CRYZL1: variants seen among roughly 807,000 people sequenced by gnomAD.
The protein encoded by CRYZL1 is crystallin zeta like 1, also known as ferry endosomal RAB5 effector complex subunit 4.
CRYZL1 carries 34 observed loss-of-function variants against 50.6 expected under a neutral mutation model. That is an observed-to-expected ratio of 0.67 (90% CI 0.51 to 0.89). CRYZL1 has a LOEUF of 0.89. Ranked by LOEUF, CRYZL1 falls within the 40% of genes least tolerant of loss-of-function variation. CRYZL1 has a pLI of 0.00. For synonymous variants in CRYZL1, 125 were observed against 134.3 expected (o/e 0.93, Z 0.48); for missense variants, 354 against 402.3 (o/e 0.88, Z 1.03).
intron 6 of CRYZL1, among the ~76,000 whole-genome samples, chr21:33,610,892 C>T (rs8126771): frequency 0.012 from 1,549 of 129,962 alleles, 29 homozygotes; most frequent in African/African-American, 0.043. Flanking sequence ...CGACCATGCC[C>T]GGCTAGTTTT....
At chr21:33,614,102 G>A (rs1052115519) in intron 5 of CRYZL1, among the ~76,000 whole-genome samples, 8 of 151,374 alleles carry the variant, frequency 5.3e-5, no homozygotes, top group African/African-American at 1.9e-4. Context: ...AACCTGGGAG[G>A]TGGAGGTTGT....
intron 12 of CRYZL1, 53 bp downstream of exon 12, chr21:33,591,109 T>C: frequency 7.3e-7 from 1 of 1,364,084 alleles, no homozygotes; most frequent in Non-Finnish European, 1.0e-6. Flanking sequence ...CTGCCTTAGC[T>C]CCCTGAAAAT....
intron 1 of CRYZL1, among the ~76,000 whole-genome samples, 165 bp downstream of exon 1, chr21:33,641,516 C>G (rs2087338098): frequency 1.3e-5 from 2 of 152,226 alleles, no homozygotes. Context: ...TTACCCACCC[C>G]TCAGCGGCCT....
At chr21:33,623,811 G>C (rs571403711) in intron 3 of CRYZL1, among the ~76,000 whole-genome samples, 18 of 152,190 alleles carry the variant, frequency 1.2e-4, no homozygotes, top group Admixed American at 7.9e-4. Flanking sequence ...AATTTATCAT[G>C]GCACATTTAA....
At chr21:33,626,363 T>C (rs1159892838) in intron 2 of CRYZL1, among the ~76,000 whole-genome samples, 1 of 152,196 alleles carries the variant, frequency 6.6e-6, no homozygotes, top group African/African-American at 2.4e-5. Flanking sequence ...ACCAACGTAA[T>C]TGAACCTAAT....
At position 33,595,845 on chromosome 21, in the gene CRYZL1, G is replaced by C; in HGVS notation, c.799-9C>G. 3 of 1,571,222 alleles carry C rather than the reference G, an allele frequency of 1.9e-6. No homozygotes were observed. The highest frequency in any genetic ancestry group is 2.6e-6 in the Non-Finnish European group (3 of 1,141,164). ...CTATCTGGAGGATCCAACTTGGATA[G>C]AATGAAACAAAGACTAATCAATTAT... On this transcript the variant is annotated splice_polypyrimidine_tract_variant and intron_variant, in intron 10 of 12. Transcript: ENST00000381554.
At chr21:33,632,863 A>G (rs1409587455) in intron 1 of CRYZL1, among the ~76,000 whole-genome samples, 1 of 152,226 alleles carries the variant, frequency 6.6e-6, no homozygotes, top group Non-Finnish European at 1.5e-5. Context: ...TCATGGCAGG[A>G]GACACATCAT....
At chr21:33,634,880 A>AAT (rs10599845) in intron 1 of CRYZL1, among the ~76,000 whole-genome samples, 2,847 of 144,362 alleles carry the variant, frequency 0.02, 34 homozygotes, top group Middle Eastern at 0.026. Context: ...CAACAACAAC[A>AAT]ATATATATAT....
chr21:33,593,207 T>C (rs1025069554), intron 11 of CRYZL1, among the ~76,000 whole-genome samples: 5 of 151,894 alleles, frequency 3.3e-5, no homozygotes, highest in African/African-American at 7.3e-5. Flanking sequence ...CCTGGGTTCA[T>C]GCCATTCTCC....
At chr21:33,616,480 C>T (rs578154206) in intron 5 of CRYZL1, 6 of 554,554 alleles carry the variant, frequency 1.1e-5, no homozygotes, top group African/African-American at 2.0e-5. Flanking sequence ...TTAGTAGAGA[C>T]GAGGTTTCTC....
chr21:33,639,124 A>G (rs1293372187), intron 1 of CRYZL1, among the ~76,000 whole-genome samples: 1 of 152,216 alleles, frequency 6.6e-6, no homozygotes, highest in Admixed American at 6.5e-5. Flanking sequence ...TTGGATCTCA[A>G]AAGAATTTTT....
chr21:33,615,926 T>C (rs2086924791), intron 5 of CRYZL1, among the ~76,000 whole-genome samples: 2 of 152,236 alleles, frequency 1.3e-5, no homozygotes, highest in Non-Finnish European at 2.9e-5. Flanking sequence ...GTTCTACAGC[T>C]AAATATATAT....
chr21:33,600,072 A>T (rs2086735370), intron 8 of CRYZL1, among the ~76,000 whole-genome samples: 1 of 152,072 alleles, frequency 6.6e-6, no homozygotes, highest in African/African-American at 2.4e-5. Context: ...TGCACTCTAT[A>T]CCCCAATAAA....
At chr21:33,623,966 G>A (rs1247225649) in intron 3 of CRYZL1, among the ~76,000 whole-genome samples, 1 of 152,038 alleles carries the variant, frequency 6.6e-6, no homozygotes, top group African/African-American at 2.4e-5. Flanking sequence ...ACCATAACTA[G>A]TAATATTAGT....
chr21:33,635,518 A>T (rs1171114204), intron 1 of CRYZL1, among the ~76,000 whole-genome samples: 1 of 150,346 alleles, frequency 6.7e-6, no homozygotes, highest in East Asian at 2.0e-4. Flanking sequence ...ACCTGGCTAA[A>T]TTTTTTTTGT....
intron 11 of CRYZL1, among the ~76,000 whole-genome samples, chr21:33,592,713 G>C (rs76938974): frequency 4.3e-4 from 65 of 152,262 alleles, no homozygotes; most frequent in African/African-American, 1.4e-3. Context: ...TGAATGAGGA[G>C]GGTTTGCACA....
Position 33,610,006 on chromosome 21 carries a change from T to TC in CRYZL1, c.331+3531_331+3532insG, listed in dbSNP as rs1450789525. ...GGCGTGAGCCACCATGCCTAGCCTT[T>TC]TTTTTTTTTTTTTACAAAATTTTAT... On this transcript the variant is annotated intron_variant, in intron 6 of 12. Transcript: ENST00000381554. 2.0e-5 allele frequency among the ~76,000 whole-genome samples: 3 copies of TC among 149,784 alleles called. No individual in the cohort carries two copies. In the South Asian group the frequency reaches 6.3e-4, roughly 32 times the overall value.
At chr21:33,638,726 G>A (rs574370419) in intron 1 of CRYZL1, among the ~76,000 whole-genome samples, 13 of 152,320 alleles carry the variant, frequency 8.5e-5, no homozygotes, top group African/African-American at 3.1e-4. Context: ...TGTGACAGTG[G>A]CTTATATCTG....
chr21:33,618,993 T>C (rs1338081474), intron 4 of CRYZL1, among the ~76,000 whole-genome samples: 1 of 152,214 alleles, frequency 6.6e-6, no homozygotes, highest in African/African-American at 2.4e-5. Context: ...CTTTCCAGCA[T>C]AGATCTCTCA....
Sources: allele counts gnomAD v4.1 joint callset (sites outside exome capture counted in the v4.1 genomes callset), GRCh38; gene constraint gnomAD v4.1.1; transcripts MANE v1.5; gene names NCBI Gene and HGNC (gene_info 2026-07-23, HGNC 2026-07-21).